Variants in PLCD1 observed in about 807,000 individuals in gnomAD.
PLCD1 encodes 1-phosphatidylinositol 4,5-bisphosphate phosphodiesterase delta-1.
PLCD1 carries 71 observed loss-of-function variants against 87.4 expected under a neutral mutation model. The observed-to-expected ratio is 0.81, with a 90% CI of 0.67 to 0.99. The LOEUF (loss-of-function observed/expected upper bound fraction) is 0.99. Ranked by LOEUF, PLCD1 falls within the 50% of genes least tolerant of loss-of-function variation. PLCD1 has a pLI of 0.00. For missense variants in PLCD1, 867 were observed against 1,001.5 expected, an observed-to-expected ratio of 0.87 and a Z score of 1.81; for synonymous variants, 348 against 399.2, an observed-to-expected ratio of 0.87 and a Z score of 1.53.
Position 38,010,419 on chromosome 3 carries a change from T to C in PLCD1, c.934A>G (p.Asn312Asp). 1 of 1,614,160 alleles carries C rather than the reference T, an allele frequency of 6.2e-7. No homozygotes were observed. The highest frequency in any genetic ancestry group is 8.5e-7 in the Non-Finnish European group (1 of 1,179,996). The change falls in exon 6 of 15, where the codon AAC becomes GAC. Residue 312 changes from asparagine (N) to aspartate (D), a missense_variant. Transcript: ENST00000334661. Reference sequence around the variant, plus strand: ...AGCTGGTCCTCCAGCAGGTAGGTGTTGTGTGAAGAGGACACCAGGTAGTGG... The same window carrying C: ...AGCTGGTCCTCCAGCAGGTAGGTGTCGTGTGAAGAGGACACCAGGTAGTGG... The part of the protein sequence containing the change: ...LSHYLVSSSH[N>D]TYLLEDQLAG...
intron 1 of PLCD1, among the ~76,000 whole-genome samples, chr3:38,021,398 C>T (rs142384979): frequency 1.3e-5 from 2 of 152,296 alleles, no homozygotes; most frequent in East Asian, 3.9e-4. Context: ...CTGCTTGCCC[C>T]AGTCCTGCCC....
intron 3 of PLCD1, among the ~76,000 whole-genome samples, chr3:38,013,644 G>T (rs1383859984): frequency 3.3e-5 from 5 of 152,082 alleles, no homozygotes; most frequent in Admixed American, 3.3e-4. Context: ...CAGCTTTAAT[G>T]ACTGTATAAT....
intron 1 of PLCD1, among the ~76,000 whole-genome samples, chr3:38,028,793 C>T (rs1700333066): frequency 6.6e-6 from 1 of 152,234 alleles, no homozygotes; most frequent in Non-Finnish European, 1.5e-5. Flanking sequence ...GCTCCCCTCG[C>T]TGCTGGAGGG....
intron 1 of PLCD1, chr3:38,024,662 A>G: frequency 6.6e-7 from 1 of 1,514,432 alleles, no homozygotes; most frequent in Non-Finnish European, 8.8e-7. Context: ...GGGTAGTCAG[A>G]CGCTAGGAGG....
chr3:38,024,909 G>C (rs968957846), intron 1 of PLCD1: 4 of 293,018 alleles, frequency 1.4e-5, no homozygotes, highest in Non-Finnish European at 2.6e-5. Flanking sequence ...GATGGGGGTG[G>C]ATCCAGAACC....
rs1700342101 is a variant in PLCD1 at position 38,029,529 on chromosome 3, C to G, written c.11G>C (p.Gly4Ala). ...ACCGTGCAGGGTCAGGAAGTCCCGG[C>G]CCGAGTCCATGCCCGACGGGCGGCG... MDS[G>A]RDFLTLHGLQ... is the part of the protein sequence containing the mutation. The change falls in exon 1 of 15, where the codon GGC becomes GCC. Residue 4 changes from glycine to alanine, a missense_variant. Physicochemically the swap from Gly to Ala is moderately conservative, Grantham distance 60. Coordinates refer to ENST00000334661, the MANE Select transcript of PLCD1 (RefSeq NM_006225.4). The G allele has an allele frequency of 2.6e-6, 4 of 1,538,832 alleles. No individual in the cohort carries two copies. The highest frequency in any genetic ancestry group is 3.5e-6 in the Non-Finnish European group (4 of 1,146,534).
chr3:38,029,627 G>C lies in PLCD1; in HGVS notation c.-88C>G. ...CGGCCTGGGGTCCGAGCGGAGTGCG[G>C]TGCAGGGACCTGAATGGACCGCGGT... On this transcript the variant is annotated 5_prime_UTR_variant, in exon 1 of 15. Coordinates refer to ENST00000334661, the MANE Select transcript of PLCD1 (RefSeq NM_006225.4). 1 of 1,296,696 alleles carries C rather than the reference G, an allele frequency of 7.7e-7. No homozygotes were observed. 80.3% of individuals were successfully genotyped at this position (1,296,696 alleles called of 1,614,324 possible).
At chr3:38,019,628 C>G (rs1441989380) in intron 2 of PLCD1, among the ~76,000 whole-genome samples, 1 of 152,108 alleles carries the variant, frequency 6.6e-6, no homozygotes, top group African/African-American at 2.4e-5. Context: ...ACTTGGGTTC[C>G]TTGGTCTTTT....
In PLCD1 at chr3:38,011,266, T is replaced by A. The variant is rs750974499; in HGVS notation, c.738A>T (p.Ala246=). 1.2e-6 allele frequency: 2 copies of A among 1,611,698 alleles called. No individual in the cohort carries two copies. The highest frequency in any genetic ancestry group is 1.7e-6 in the Non-Finnish European group (2 of 1,180,008). The stretch of plus-strand genomic sequence containing the variant: ...TGAGGGAGAGGGCCAGCGCAGGCCC[T>A]GCCGCCTCCTCCCGCTGCTGGTGCT... ...FLQHQQREEA[A]GPALALSLIE... Residue 246 remains alanine, a synonymous_variant, in exon 5 of 15, where the codon GCA becomes GCT. Transcript: ENST00000334661.
At chr3:38,012,298 T>C (rs1700092491) in intron 3 of PLCD1, among the ~76,000 whole-genome samples, 1 of 150,886 alleles carries the variant, frequency 6.6e-6, no homozygotes, top group African/African-American at 2.4e-5. Flanking sequence ...ATATGAGCCA[T>C]CTGGACTGGT....
At chr3:38,013,208 CT>C (rs869279889) in intron 3 of PLCD1, among the ~76,000 whole-genome samples, 5,962 of 118,482 alleles carry the variant, frequency 0.05, 273 homozygotes, top group African/African-American at 0.13. Context: ...TTTTAATTTT[CT>C]TTTTTTTTTT....
chr3:38,024,053 C>A (rs766694642), intron 1 of PLCD1: 13 of 472,392 alleles, frequency 2.8e-5, no homozygotes, highest in Non-Finnish European at 4.2e-5. Flanking sequence ...CACGGTGCCT[C>A]AGAAATTTGT....
In PLCD1 at chr3:38,017,082, A is replaced by G. The variant is rs938860160; in HGVS notation, c.200-363T>C. Among the ~76,000 whole-genome samples the G allele has an allele frequency of 1.3e-5, 2 of 152,050 alleles. No homozygotes were observed. Among genetic ancestry groups the G allele is most frequent in the African/African-American group, 4.8e-5 (2 of 41,390 alleles). On this transcript the variant is annotated intron_variant, in intron 2 of 14. Coordinates refer to ENST00000334661, the MANE Select transcript of PLCD1 (RefSeq NM_006225.4). The surrounding 1 kb of genome is among the most constrained non-coding windows in gnomAD (Gnocchi z 4.7). ...TGATGGGGGGTGCAGGGCCCCAGGG[A>G]GAGGACTGGAGCAGGGCAAGGCTCT...
rs780203029 is a variant in PLCD1 at position 38,011,348 on chromosome 3, G to A, written c.656C>T (p.Ala219Val). ...TQRVEIDRTFAEAAGSGETLS... is the reference protein window; with the variant it reads ...TQRVEIDRTFVEAAGSGETLS... ...AGTCTCCCCTGAGCCCGCGGCCTCGGCGAAGGTGCGGTCGATCTCCACCCG... is the reference window on the plus strand; with the variant it reads ...AGTCTCCCCTGAGCCCGCGGCCTCGACGAAGGTGCGGTCGATCTCCACCCG... Residue 219 changes from alanine (A) to valine (V), a missense_variant, in exon 5 of 15, where the codon GCC (alanine) becomes GTC (valine). Transcript: ENST00000334661. 2.5e-6 allele frequency: 4 copies of A among 1,612,634 alleles called. No homozygotes were observed. In the African/African-American group the frequency reaches 4.0e-5, roughly 16 times the overall value.
chr3:38,010,381 G>A lies in PLCD1; in HGVS notation c.972C>T (p.Ser324=). Residue 324 remains serine (S), a synonymous_variant, in exon 6 of 15, where the codon AGC becomes AGT. Transcript: ENST00000334661. The part of the protein sequence containing the change: ...YLLEDQLAGP[S]STEAYIRALC... ...AGCACCGGATGTAGGCTTCAGTGCT[G>A]CTGGGCCCGGCTAGCTGGTCCTCCA... 1 of 1,614,212 alleles carries A rather than the reference G, an allele frequency of 6.2e-7. No homozygotes were observed. Among genetic ancestry groups the A allele is most frequent in the South Asian group, 1.1e-5 (1 of 91,080 alleles).
Position 38,017,471 on chromosome 3 carries a change from T to C in PLCD1, c.200-752A>G, listed in dbSNP as rs879725437. Among the ~76,000 whole-genome samples, 1 of 151,994 alleles carries C rather than the reference T, an allele frequency of 6.6e-6. No homozygotes were observed. Among genetic ancestry groups the C allele is most frequent in the African/African-American group, 2.4e-5 (1 of 41,378 alleles). The stretch of plus-strand genomic sequence containing the variant: ...GGGTCTCCTGCAGGGTTCTGAGAGA[T>C]TACATCATTCTGCCCTTAGGGGAGC... On this transcript the variant is annotated intron_variant, in intron 2 of 14. Transcript: ENST00000334661. The surrounding 1 kb of genome is among the most constrained non-coding windows in gnomAD (Gnocchi z 4.7).
rs1559369673 is a variant in PLCD1 at position 38,007,739 on chromosome 3, C to T, written c.*34G>A. The T allele has an allele frequency of 4.6e-6, 7 of 1,514,838 alleles. No individual in the cohort carries two copies. Among genetic ancestry groups the T allele is most frequent in the Non-Finnish European group, 6.4e-6 (7 of 1,089,838 alleles). The allele number at this position is 1,514,838 out of a possible 1,614,324, so 93.8% of individuals were successfully genotyped here. Reference sequence around the variant, plus strand: ...CCCACATGTGGACAGAGGGCCCAGCCCACTCAGGGGGGACCCCACTGGCTT... The same window carrying T: ...CCCACATGTGGACAGAGGGCCCAGCTCACTCAGGGGGGACCCCACTGGCTT... On this transcript the variant is annotated 3_prime_UTR_variant, in exon 15 of 15. Coordinates refer to ENST00000334661, the MANE Select transcript of PLCD1 (RefSeq NM_006225.4).
intron 1 of PLCD1, 68 bp from the exon 2 acceptor site, chr3:38,020,420 G>A: frequency 6.8e-7 from 1 of 1,474,140 alleles, no homozygotes; most frequent in African/African-American, 1.4e-5. Context: ...GCCTCACACT[G>A]GCCATGCCCA....
In PLCD1 at chr3:38,009,137, T is replaced by A; in HGVS notation, c.1628A>T (p.Asn543Ile). 2 of 1,614,118 alleles carry A rather than the reference T, an allele frequency of 1.2e-6. No individual in the cohort carries two copies. The highest frequency in any genetic ancestry group is 1.7e-6 in the Non-Finnish European group (2 of 1,180,000). Residue 543 changes from asparagine (N) to isoleucine (I), a missense_variant, in exon 11 of 15, where the codon AAC (asparagine) becomes ATC (isoleucine). Transcript: ENST00000334661. ...QESGNGFVRH[N>I]VGHLSRIYPA... ...GTAGATTCTGCTCAGGTGCCCCACG[T>A]TGTGGCGGACAAAGCCGTTTCCTGA...
Sources: gnomAD v4.1 joint callset for allele counts (sites outside exome capture counted in the v4.1 genomes callset) on GRCh38, gnomAD v4.1.1 for gene constraint, Gnocchi (gnomAD v3.1) non-coding constraint, MANE v1.5 for transcripts, NCBI Gene and HGNC (gene_info 2026-07-23, HGNC 2026-07-21) for gene names.